TFEB: variants seen among roughly 807,000 people sequenced by gnomAD.
TFEB encodes the protein transcription factor EB.
A neutral mutation model predicts 48.0 loss-of-function variants in TFEB; 12 were observed. The observed-to-expected ratio is 0.25, with a 90% CI of 0.16 to 0.40. The LOEUF (loss-of-function observed/expected upper bound fraction) is 0.40, where lower values mean the gene tolerates loss of function less well. Among genes scored for constraint, TFEB ranks in the 10% least tolerant of loss-of-function variants. The pLI, the probability that TFEB is intolerant of heterozygous loss-of-function variation, is 1.00. For synonymous variants in TFEB, 244 were observed against 261.4 expected (o/e 0.93, Z 0.64); for missense variants, 509 against 640.3 (o/e 0.79, Z 2.21).
At chr6:41,708,634 C>T (rs1770345825) in intron 1 of TFEB, among the ~76,000 whole-genome samples, 1 of 152,244 alleles carries the variant, frequency 6.6e-6, no homozygotes, top group East Asian at 1.9e-4. Flanking sequence ...TACTCTACCA[C>T]TGGTGCTCCC....
At chr6:41,717,270 A>G (rs2127259377) in intron 1 of TFEB, among the ~76,000 whole-genome samples, 1 of 152,232 alleles carries the variant, frequency 6.6e-6, no homozygotes, top group South Asian at 2.1e-4. Flanking sequence ...GCAGACATCA[A>G]CTGTGGCCGG....
chr6:41,704,005 C>T (rs914585484), intron 1 of TFEB, among the ~76,000 whole-genome samples: 3 of 152,174 alleles, frequency 2.0e-5, no homozygotes, highest in Non-Finnish European at 4.4e-5. Flanking sequence ...CCAGAGGAGG[C>T]AGGTAGGGGG....
Position 41,735,483 on chromosome 6 carries a change from G to A in TFEB, c.-156C>T, listed in dbSNP as rs1364232637. ...TGCTCCGGCCCCGTGCCACCAGGGA[G>A]GCCCGCCCCGTCCGCCCTTCCCGCC... On this transcript the variant is annotated 5_prime_UTR_variant, in exon 1 of 9. Coordinates refer to ENST00000373033, the MANE Select transcript of TFEB (RefSeq NM_001271944.2). 1 of 984,532 alleles carries A rather than the reference G, an allele frequency of 1.0e-6. No individual in the cohort carries two copies. Among genetic ancestry groups the A allele is most frequent in the Admixed American group, 6.2e-5 (1 of 16,162 alleles). The allele number at this position is 984,532 out of a possible 1,614,324, so 61.0% of individuals were successfully genotyped here.
chr6:41,710,686 A>G (rs932566496), intron 1 of TFEB, among the ~76,000 whole-genome samples: 1 of 152,174 alleles, frequency 6.6e-6, no homozygotes, highest in Non-Finnish European at 1.5e-5. Context: ...TTGGGCCTCC[A>G]AAGCATGCAG....
chr6:41,692,729 C>G (rs1288558783), intron 1 of TFEB, among the ~76,000 whole-genome samples: 2 of 152,228 alleles, frequency 1.3e-5, no homozygotes, highest in African/African-American at 4.8e-5. Context: ...CTAAGGTCCT[C>G]CCCAGCTGAG....
intron 1 of TFEB, among the ~76,000 whole-genome samples, chr6:41,713,270 C>T (rs1348371036): frequency 6.6e-6 from 1 of 152,128 alleles, no homozygotes; most frequent in South Asian, 2.1e-4. Context: ...AATGAGTCAC[C>T]AGCTGGCTGC....
At chr6:41,686,822 C>G in intron 7 of TFEB, 2 of 510,260 alleles carry the variant, frequency 3.9e-6, no homozygotes, top group Non-Finnish European at 7.1e-6. Flanking sequence ...GTCTGCCAGC[C>G]CAATGGCCTT....
At chr6:41,715,091 C>T (rs1434216042) in intron 1 of TFEB, among the ~76,000 whole-genome samples, 1 of 152,126 alleles carries the variant, frequency 6.6e-6, no homozygotes, top group Non-Finnish European at 1.5e-5. Context: ...GAGGACCACC[C>T]CACCTGGCCT....
rs539380117 is a variant in TFEB, at chr6:41,688,864, C to T, written c.550-836G>A. 1.3e-4 allele frequency among the ~76,000 whole-genome samples: 20 copies of T among 152,266 alleles called. No individual in the cohort carries two copies. The East Asian group carries it at 3.7e-3, about 28-fold the overall frequency. On this transcript the variant is annotated intron_variant, in intron 4 of 8. Coordinates refer to ENST00000373033, the MANE Select transcript of TFEB (RefSeq NM_001271944.2). ...CCCACCACAGGAACTGGGGACTTTC[C>T]CTTGGTGGCATGGGCTGGGGCCAGG...
At chr6:41,685,158 C>T (rs1271373310) in intron 8 of TFEB, 80 bp from the exon 9 acceptor site, 17 of 1,365,262 alleles carry the variant, frequency 1.2e-5, no homozygotes, top group Non-Finnish European at 1.6e-5. Context: ...GCCTCTATCA[C>T]AGCACTTGCC....
rs771707052 is a variant in TFEB at position 41,684,797 on chromosome 6, C to T, written c.1233G>A (p.Pro411=). ...CCGGCGCCAGGGGTTCGGGGTAGCCCGGGGGACCCTCGTCCTCCCTGCCCC... is the reference window on the plus strand; with the variant it reads ...CCGGCGCCAGGGGTTCGGGGTAGCCTGGGGGACCCTCGTCCTCCCTGCCCC... ...SFGGREDEGP[P]GYPEPLAPGH... Residue 411 remains proline (P), a synonymous_variant, in exon 9 of 9, where the codon CCG becomes CCA. Transcript: ENST00000373033. 20 of 1,605,108 alleles carry T rather than the reference C, an allele frequency of 1.2e-5. No individual in the cohort carries two copies. Among genetic ancestry groups the T allele is most frequent in the Middle Eastern group, 3.3e-4 (2 of 6,034 alleles).
chr6:41,695,980 C>T (rs1179996902), intron 1 of TFEB, among the ~76,000 whole-genome samples: 4 of 152,150 alleles, frequency 2.6e-5, no homozygotes, highest in East Asian at 1.9e-4. Context: ...TTAGGCCAGC[C>T]GCGGTCCCTG....
intron 1 of TFEB, among the ~76,000 whole-genome samples, chr6:41,721,398 CA>C (rs1215069573): frequency 6.7e-6 from 1 of 149,906 alleles, no homozygotes; most frequent in African/African-American, 2.5e-5. Context: ...CACACACACA[CA>C]CACACGAAAC....
At chr6:41,686,957 A>G in intron 7 of TFEB, 137 bp downstream of exon 7, 1 of 743,684 alleles carries the variant, frequency 1.3e-6, no homozygotes, top group East Asian at 2.7e-5. Flanking sequence ...AGAGGGAGAG[A>G]TCTTTTCTCA....
chr6:41,712,174 A>G (rs1025351283), intron 1 of TFEB, among the ~76,000 whole-genome samples: 3 of 152,210 alleles, frequency 2.0e-5, no homozygotes, highest in African/African-American at 7.2e-5. Context: ...CTGTCTGGCC[A>G]CCAGCACCAT....
chr6:41,696,344 G>A lies in TFEB; in HGVS notation c.-22-5109C>T, dbSNP rs148876538. Among the ~76,000 whole-genome samples, 21 of 152,300 alleles carry A rather than the reference G, an allele frequency of 1.4e-4. 1 individual carries two copies. The South Asian group carries it at 2.1e-3, about 15-fold the overall frequency. Reference sequence around the variant, plus strand: ...AAAGCACATATACTAGAATGTTTGCGTGTATAGGAACCAAAACTGGAAACC... The same window carrying A: ...AAAGCACATATACTAGAATGTTTGCATGTATAGGAACCAAAACTGGAAACC... On this transcript the variant is annotated intron_variant, in intron 1 of 8. Transcript: ENST00000373033.
At position 41,691,325 on chromosome 6, in the gene TFEB, C is replaced by T. The variant is rs575599644; in HGVS notation, c.-22-90G>A. 3.0e-5 allele frequency: 39 copies of T among 1,309,440 alleles called. 1 individual carries two copies. The highest frequency in any genetic ancestry group is 2.8e-4 in the African/African-American group (19 of 68,332). 81.1% of individuals were successfully genotyped at this position (1,309,440 alleles called of 1,614,324 possible). A position where few individuals can be genotyped will look rare whatever the true frequency, so the allele number is the denominator to read the frequency against. ...AGGGGGAGGCCAGAATGACTGGGAC[C>T]GCATCCATTTTAGAGGAGAAGACAC... On this transcript the variant is annotated intron_variant, in intron 1 of 8. Transcript: ENST00000373033. The surrounding 1 kb of genome is among the most constrained non-coding windows in gnomAD (Gnocchi z 5.2).
chr6:41,702,638 C>A (rs1769995234), intron 1 of TFEB, among the ~76,000 whole-genome samples: 1 of 152,188 alleles, frequency 6.6e-6, no homozygotes, highest in Non-Finnish European at 1.5e-5. Context: ...TCAATGAGGT[C>A]CCTCCCCAGG....
intron 1 of TFEB, among the ~76,000 whole-genome samples, chr6:41,701,225 A>G (rs1008767143): frequency 6.6e-6 from 1 of 152,172 alleles, no homozygotes; most frequent in Non-Finnish European, 1.5e-5. Context: ...TCCCCTTAGC[A>G]GGCAGCCACC....
Sources: allele counts gnomAD v4.1 joint callset (sites outside exome capture counted in the v4.1 genomes callset), GRCh38; gene constraint gnomAD v4.1.1; non-coding constraint Gnocchi (gnomAD v3.1); transcripts MANE v1.5; gene names NCBI Gene and HGNC (gene_info 2026-07-23, HGNC 2026-07-21).